Variants in ZZZ3 observed in about 807,000 individuals in gnomAD.
The protein encoded by ZZZ3 is ZZ-type zinc finger-containing protein 3.
In ZZZ3, 22 loss-of-function variants were observed where a neutral mutation model predicts 95.2. The observed-to-expected ratio is 0.23, with a 90% CI of 0.17 to 0.33. ZZZ3 has a LOEUF of 0.33. ZZZ3 is among the 10% of genes least tolerant of loss of function. ZZZ3 has a pLI of 1.00. For synonymous variants in ZZZ3, 335 were observed against 358.9 expected (o/e 0.93, Z 0.75); for missense variants, 885 against 1,066.5 (o/e 0.83, Z 2.37).
chr1:77,682,820 G>A (rs1363769767), upstream of ZZZ3: 1 of 152,276 alleles, frequency 6.6e-6, no homozygotes, highest in African/African-American at 2.4e-5. Flanking sequence ...GAGACAGTAG[G>A]AAGTCTTTCC....
At chr1:77,605,148 A>G (rs1665109040) in intron 5 of ZZZ3, among the ~76,000 whole-genome samples, 1 of 152,236 alleles carries the variant, frequency 6.6e-6, no homozygotes, top group Non-Finnish European at 1.5e-5. Flanking sequence ...AGGGTAGGAA[A>G]GACAGTCTTG....
chr1:77,609,583 T>C (rs139965971), intron 5 of ZZZ3, among the ~76,000 whole-genome samples: 29 of 152,272 alleles, frequency 1.9e-4, no homozygotes, highest in African/African-American at 7.0e-4. Context: ...GTCTGCAGAA[T>C]ACACATCCTT....
chr1:77,677,730 A>G (rs1026147480), intron 1 of ZZZ3, among the ~76,000 whole-genome samples: 4 of 152,210 alleles, frequency 2.6e-5, no homozygotes, highest in African/African-American at 9.6e-5. Flanking sequence ...ATCATTTATA[A>G]TGATAGTTAT....
Position 77,576,151 on chromosome 1 carries a change from G to A in ZZZ3, c.2248C>T (p.His750Tyr). 1 of 1,613,680 alleles carries A rather than the reference G, an allele frequency of 6.2e-7. No individual in the cohort carries two copies. The highest frequency in any genetic ancestry group is 8.5e-7 in the Non-Finnish European group (1 of 1,179,876). The part of the protein sequence containing the change: ...LFKPSTFMTS[H>Y]EPPVYMDEDD... ...TCATCCATATACACTGGCGGTTCAT[G>A]TGAAGTCATGAAAGTGGAAGGCTTA... is the stretch of plus-strand genomic sequence containing the variant. The change falls in exon 12 of 15, where the codon CAT becomes TAT. Residue 750 changes from histidine to tyrosine, a missense_variant. Coordinates refer to ENST00000370801, the MANE Select transcript of ZZZ3 (RefSeq NM_015534.6).
intron 5 of ZZZ3, among the ~76,000 whole-genome samples, chr1:77,609,348 A>G (rs1188191445): frequency 6.6e-6 from 1 of 152,164 alleles, no homozygotes; most frequent in Admixed American, 6.5e-5. Flanking sequence ...ATCAATTAGA[A>G]ATATATATGC....
intron 5 of ZZZ3, among the ~76,000 whole-genome samples, chr1:77,596,291 T>C (rs1219854836): frequency 6.6e-6 from 1 of 152,134 alleles, no homozygotes; most frequent in Non-Finnish European, 1.5e-5. Flanking sequence ...ATTCTCATTA[T>C]ATGACAATTC....
At chr1:77,598,256 G>A (rs1007040659) in intron 5 of ZZZ3, among the ~76,000 whole-genome samples, 1 of 151,982 alleles carries the variant, frequency 6.6e-6, no homozygotes, top group African/African-American at 2.4e-5. Context: ...GTAAGCTAGA[G>A]AACAGAATAT....
chr1:77,586,130 A>G (rs1353469054), intron 5 of ZZZ3, among the ~76,000 whole-genome samples: 1 of 152,190 alleles, frequency 6.6e-6, no homozygotes, highest in Non-Finnish European at 1.5e-5. Context: ...GTGTACAAAT[A>G]CTGTCTCAGC....
At chr1:77,617,417 T>C (rs575642114) in intron 5 of ZZZ3, among the ~76,000 whole-genome samples, 19 of 152,356 alleles carry the variant, frequency 1.2e-4, no homozygotes, top group African/African-American at 3.8e-4. Context: ...GTTTCTTTCA[T>C]TGGTACAATG....
At chr1:77,659,306 T>C (rs1216080508) in intron 1 of ZZZ3, among the ~76,000 whole-genome samples, 1 of 152,174 alleles carries the variant, frequency 6.6e-6, no homozygotes, top group Non-Finnish European at 1.5e-5. Context: ...ATGTTTAATT[T>C]AGTTTAATTC....
At chr1:77,628,943 T>C (rs894752034) in intron 5 of ZZZ3, among the ~76,000 whole-genome samples, 3 of 152,184 alleles carry the variant, frequency 2.0e-5, no homozygotes, top group Non-Finnish European at 2.9e-5. Flanking sequence ...TTTGACAAGG[T>C]ATGTACATAT....
In ZZZ3 at chr1:77,619,509, T is replaced by C. The variant is rs149085791; in HGVS notation, c.1505+12341A>G. On this transcript the variant is annotated intron_variant, in intron 5 of 14. Coordinates refer to ENST00000370801, the MANE Select transcript of ZZZ3 (RefSeq NM_015534.6). ...TCAGTAAAGACAACCACAATCAAAT[T>C]CTTAACCACTCTGTAGGCTTCTAAT... Among the ~76,000 whole-genome samples the C allele has an allele frequency of 1.5e-3, 222 of 152,260 alleles. 2 individuals are homozygous for C. The highest frequency in any genetic ancestry group is 5.1e-3 in the African/African-American group (212 of 41,574).
At chr1:77,605,861 G>A (rs1665178546) in intron 5 of ZZZ3, among the ~76,000 whole-genome samples, 1 of 152,172 alleles carries the variant, frequency 6.6e-6, no homozygotes, top group Admixed American at 6.5e-5. Flanking sequence ...CATGGGCCTT[G>A]GGTGAGACTC....
At chr1:77,658,178 CAAA>C (rs1186224710) in intron 1 of ZZZ3, among the ~76,000 whole-genome samples, 102 of 76,310 alleles carry the variant, frequency 1.3e-3, no homozygotes, top group Middle Eastern at 6.7e-3. Context: ...GACTTTGTCT[CAAA>C]AAAAAAAAAA....
Position 77,567,943 on chromosome 1 carries a change from C to T in ZZZ3, c.2466+389G>A, listed in dbSNP as rs560840335. On this transcript the variant is annotated intron_variant, in intron 13 of 14. Coordinates refer to ENST00000370801, the MANE Select transcript of ZZZ3 (RefSeq NM_015534.6). ...AATAATAAACTCTTCACATCAGGAA[C>T]GATGGCACCACTGCTTTGCATAAAT... is the stretch of plus-strand genomic sequence containing the variant. Among the ~76,000 whole-genome samples the T allele has an allele frequency of 1.4e-4, 21 of 152,262 alleles. No homozygotes were observed. In the East Asian group the frequency reaches 3.7e-3, roughly 27 times the overall value.
chr1:77,607,609 G>A (rs1173719032), intron 5 of ZZZ3, among the ~76,000 whole-genome samples: 1 of 152,148 alleles, frequency 6.6e-6, no homozygotes, highest in Non-Finnish European at 1.5e-5. Context: ...GAATTAGTGA[G>A]CTTTAAGACA....
At chr1:77,627,350 G>A (rs925754497) in intron 5 of ZZZ3, among the ~76,000 whole-genome samples, 6 of 152,146 alleles carry the variant, frequency 3.9e-5, no homozygotes, top group African/African-American at 1.4e-4. Flanking sequence ...CAATACAGAT[G>A]TAAAATTATC....
chr1:77,584,679 T>C, intron 5 of ZZZ3, 24 bp from the exon 6 acceptor site: 1 of 1,527,028 alleles, frequency 6.5e-7, no homozygotes, highest in South Asian at 1.3e-5. Flanking sequence ...GAAAAATATT[T>C]CACAAAAATT....
chr1:77,595,383 A>G (rs900062584), intron 5 of ZZZ3, among the ~76,000 whole-genome samples: 1 of 152,076 alleles, frequency 6.6e-6, no homozygotes, highest in African/African-American at 2.4e-5. Flanking sequence ...ATCATATAAG[A>G]AGTAAAAAGC....
Sources: allele counts gnomAD v4.1 joint callset (sites outside exome capture counted in the v4.1 genomes callset), GRCh38; gene constraint gnomAD v4.1.1; transcripts MANE v1.5; gene names NCBI Gene and HGNC (gene_info 2026-07-23, HGNC 2026-07-21).